The following LINGO2 variants were observed in gnomAD, a reference collection of about 807,000 sequenced individuals.
LINGO2 encodes leucine rich repeat and Ig domain containing 2.
Under a neutral mutation model 30.6 loss-of-function variants are expected in LINGO2, and 14 were observed. That is an observed-to-expected ratio of 0.46 (90% CI 0.30 to 0.72). The LOEUF is 0.72. Ranked by LOEUF, LINGO2 falls within the 30% of genes least tolerant of loss-of-function variation. The pLI, the probability that LINGO2 is intolerant of heterozygous loss-of-function variation, is 0.07. For synonymous variants in LINGO2, 317 were observed against 288.5 expected (o/e 1.10, Z -1.00); for missense variants, 729 against 751.7 (o/e 0.97, Z 0.35).
the LINGO2 span, among the ~76,000 whole-genome samples, chr9:29,051,783 G>T: frequency 6.6e-6 from 1 of 152,080 alleles, no homozygotes; most frequent in African/African-American, 2.4e-5. Flanking sequence ...CAGGAAGCTT[G>T]CATTCAAATT....
the LINGO2 span, among the ~76,000 whole-genome samples, chr9:28,835,076 A>G: frequency 6.6e-6 from 1 of 152,188 alleles, no homozygotes; most frequent in African/African-American, 2.4e-5. Context: ...TGGGGCTTAG[A>G]CCTGCTCTCC....
the LINGO2 span, among the ~76,000 whole-genome samples, chr9:28,725,158 G>T: frequency 6.6e-6 from 1 of 151,710 alleles, no homozygotes; most frequent in Non-Finnish European, 1.5e-5. Flanking sequence ...GGAAATAAAG[G>T]CCAATATGAA....
At chr9:28,118,953 G>T (rs1447638313) in intron 4 of LINGO2, among the ~76,000 whole-genome samples, 1 of 152,124 alleles carries the variant, frequency 6.6e-6, no homozygotes, top group East Asian at 1.9e-4. Context: ...TATCATAAGG[G>T]CTTGGAAATT....
intron 4 of LINGO2, among the ~76,000 whole-genome samples, chr9:28,250,981 A>G (rs1055748581): frequency 1.3e-5 from 2 of 152,222 alleles, no homozygotes; most frequent in African/African-American, 2.4e-5. Context: ...TAAGTTGGGG[A>G]ACCTGTTCTT....
At chr9:28,846,178 C>T in the LINGO2 span, among the ~76,000 whole-genome samples, 1 of 151,656 alleles carries the variant, frequency 6.6e-6, no homozygotes, top group Non-Finnish European at 1.5e-5. Flanking sequence ...CAATGAGTAG[C>T]ATTCTCACAT....
intron 2 of LINGO2, among the ~76,000 whole-genome samples, chr9:28,433,598 G>A (rs759649878): frequency 4.6e-5 from 7 of 151,990 alleles, no homozygotes; most frequent in East Asian, 1.9e-4. Flanking sequence ...GCACTCCAGC[G>A]AGAATGGTCA....
chr9:28,185,988 G>A (rs915191596), intron 4 of LINGO2, among the ~76,000 whole-genome samples: 7 of 152,090 alleles, frequency 4.6e-5, no homozygotes, highest in African/African-American at 4.8e-5. Context: ...GATAAAACCC[G>A]AGAACAGAGG....
At chr9:27,981,542 A>AAAAAAAAAG (rs1359244326) in intron 5 of LINGO2, among the ~76,000 whole-genome samples, 2 of 122,806 alleles carry the variant, frequency 1.6e-5, no homozygotes, top group African/African-American at 5.9e-5. Flanking sequence ...GGCAAAAAAA[A>AAAAAAAAAG]AAAAAAAAGA....
the LINGO2 span, among the ~76,000 whole-genome samples, chr9:28,682,746 G>A: frequency 6.6e-6 from 1 of 151,824 alleles, no homozygotes; most frequent in Admixed American, 6.6e-5. Flanking sequence ...CATTAATTAT[G>A]GATATTGATA....
At chr9:28,015,472 T>G (rs12352916) in intron 4 of LINGO2, among the ~76,000 whole-genome samples, 3,339 of 97,422 alleles carry the variant, frequency 0.034, 117 homozygotes, top group African/African-American at 0.12. Context: ...GCAAGAATTC[T>G]GAGGTTCAAC....
the LINGO2 span, among the ~76,000 whole-genome samples, chr9:28,746,107 T>C: frequency 6.6e-6 from 1 of 151,938 alleles, no homozygotes; most frequent in Non-Finnish European, 1.5e-5. Context: ...ATAGATGAGA[T>C]TATTGAGTTC....
At chr9:28,784,305 G>A in the LINGO2 span, among the ~76,000 whole-genome samples, 1 of 152,102 alleles carries the variant, frequency 6.6e-6, no homozygotes, top group Admixed American at 6.6e-5. Context: ...TATTAGATGG[G>A]CATTTTTAAT....
At chr9:28,127,971 G>A (rs1827285756) in intron 4 of LINGO2, among the ~76,000 whole-genome samples, 1 of 152,298 alleles carries the variant, frequency 6.6e-6, no homozygotes, top group African/African-American at 2.4e-5. Flanking sequence ...ATTCAGTCAT[G>A]CAGCCTTTTC....
At chr9:28,559,184 G>A (rs768771514) in intron 1 of LINGO2, among the ~76,000 whole-genome samples, 6 of 152,086 alleles carry the variant, frequency 3.9e-5, no homozygotes, top group Non-Finnish European at 7.3e-5. Flanking sequence ...AGAGTTGTGA[G>A]TATTTGATCT....
chr9:28,864,514 A>G, the LINGO2 span, among the ~76,000 whole-genome samples: 1 of 152,206 alleles, frequency 6.6e-6, no homozygotes, highest in Non-Finnish European at 1.5e-5. Context: ...ATAATTAATG[A>G]AAAGAATCTA....
At position 28,122,743 on chromosome 9, in the gene LINGO2, A is replaced by G. The variant is rs1005140469; in HGVS notation, c.-86-110338T>C. ...TTTCCAAGCCACTATCACAGCATCAAAAGAACCACAAGTTATGTTTTTCAA... is the reference window on the plus strand; with the variant it reads ...TTTCCAAGCCACTATCACAGCATCAGAAGAACCACAAGTTATGTTTTTCAA... On this transcript the variant is annotated intron_variant, in intron 4 of 5. Coordinates refer to ENST00000379992, the Ensembl canonical transcript of LINGO2. Among the ~76,000 whole-genome samples, 26 of 152,332 alleles carry G rather than the reference A, an allele frequency of 1.7e-4. No homozygotes were observed. In the South Asian group the frequency reaches 3.9e-3, roughly 23 times the overall value.
chr9:28,746,131 CTA>C, the LINGO2 span, among the ~76,000 whole-genome samples: 1 of 151,862 alleles, frequency 6.6e-6, no homozygotes, highest in African/African-American at 2.4e-5. Flanking sequence ...TAACTAATAA[CTA>C]TTTTAAAGAT....
the LINGO2 span, among the ~76,000 whole-genome samples, chr9:28,903,356 T>A: frequency 6.6e-6 from 1 of 152,128 alleles, no homozygotes; most frequent in Non-Finnish European, 1.5e-5. Flanking sequence ...AGACCAATAA[T>A]GAGAAAGGAG....
At chr9:28,833,559 T>C in the LINGO2 span, among the ~76,000 whole-genome samples, 1 of 152,226 alleles carries the variant, frequency 6.6e-6, no homozygotes. Flanking sequence ...TATTGTTGAA[T>C]TCTCCATTAT....
Sources: gnomAD v4.1 joint callset for allele counts (sites outside exome capture counted in the v4.1 genomes callset) on GRCh38, gnomAD v4.1.1 for gene constraint, MANE v1.5 for transcripts, NCBI Gene and HGNC (gene_info 2026-07-23, HGNC 2026-07-21) for gene names.